PCDHGA3: variants seen among roughly 807,000 people sequenced by gnomAD.
PCDHGA3 encodes the protein protocadherin gamma-A3.
In PCDHGA3, 40 loss-of-function variants were observed where a neutral mutation model predicts 58.5. The ratio of observed to expected loss-of-function variants is 0.68; its 90% confidence interval spans 0.53 to 0.89. The LOEUF (loss-of-function observed/expected upper bound fraction) is 0.89, where lower values mean the gene tolerates loss of function less well. PCDHGA3 is among the 40% of genes least tolerant of loss of function. PCDHGA3 has a pLI of 0.00. For synonymous variants in PCDHGA3, 530 were observed against 525.7 expected, an observed-to-expected ratio of 1.01 and a Z score of -0.11; for missense variants, 1,223 against 1,195.9, an observed-to-expected ratio of 1.02 and a Z score of -0.33.
chr5:141,428,037 C>G lies in PCDHGA3; in HGVS notation c.2425-66770C>G, dbSNP rs762273592. 3.7e-6 allele frequency: 6 copies of G among 1,608,340 alleles called. No homozygotes were observed. In the African/African-American group the frequency reaches 8.0e-5, roughly 21 times the overall value. ...GCCACGCGCCGCAGAGTCCGGCTACCTGGTGACCAAGGTGGTGGCGGTGGA... is the reference window on the plus strand; with the variant it reads ...GCCACGCGCCGCAGAGTCCGGCTACGTGGTGACCAAGGTGGTGGCGGTGGA... On this transcript the variant is annotated intron_variant, in intron 1 of 3. Coordinates refer to ENST00000253812, the MANE Select transcript of PCDHGA3 (RefSeq NM_018916.4).
In PCDHGA3 at chr5:141,476,868, C is replaced by G. The variant is rs1213404395; in HGVS notation, c.2425-17939C>G. On this transcript the variant is annotated intron_variant, in intron 1 of 3. Transcript: ENST00000253812. This position sits in a 1 kb window ranked among gnomAD's most constrained non-coding sequence, Gnocchi z 7.6. Reference sequence around the variant, plus strand: ...GTCTTCAACCAGTCCTTGTACCGGGCGCGCGTCCTGGAGGATGCACCCTCC... The same window carrying G: ...GTCTTCAACCAGTCCTTGTACCGGGGGCGCGTCCTGGAGGATGCACCCTCC... 2.5e-6 allele frequency: 4 copies of G among 1,613,874 alleles called. No homozygotes were observed. Among genetic ancestry groups the G allele is most frequent in the Non-Finnish European group, 3.4e-6 (4 of 1,180,050 alleles).
chr5:141,375,955 C>A, intron 1 of PCDHGA3: 2 of 1,613,498 alleles, frequency 1.2e-6, no homozygotes, highest in Non-Finnish European at 1.7e-6. Flanking sequence ...TGCACACGGG[C>A]GAGGTGCGCA....
At chr5:141,423,387 G>T (rs373190092) in intron 1 of PCDHGA3, 1 of 1,614,162 alleles carries the variant, frequency 6.2e-7, no homozygotes, top group Non-Finnish European at 8.5e-7. Context: ...TGTGGCGCTG[G>T]CATAAGTCAC....
At chr5:141,445,312 T>C (rs1419229431) in intron 1 of PCDHGA3, among the ~76,000 whole-genome samples, 2 of 152,194 alleles carry the variant, frequency 1.3e-5, no homozygotes, top group African/African-American at 4.8e-5. Context: ...AGTTTGTAGG[T>C]TGAGAGAACC....
At chr5:141,506,669 A>C (rs1293213848) in intron 3 of PCDHGA3, among the ~76,000 whole-genome samples, 1 of 152,198 alleles carries the variant, frequency 6.6e-6, no homozygotes, top group African/African-American at 2.4e-5. Flanking sequence ...GTAAGGGCAC[A>C]ATATATTATT....
At chr5:141,395,072 T>C in intron 1 of PCDHGA3, 1 of 1,614,148 alleles carries the variant, frequency 6.2e-7, no homozygotes, top group Non-Finnish European at 8.5e-7. Context: ...TGCAGACCTA[T>C]TCCCAGGAAG....
chr5:141,403,612 G>C (rs1314297922), intron 1 of PCDHGA3: 9 of 1,613,736 alleles, frequency 5.6e-6, no homozygotes, highest in African/African-American at 1.3e-5. Flanking sequence ...GCGGCGAGCC[G>C]CGTCGCTCCA....
At chr5:141,423,619 T>C (rs1389600826) in intron 1 of PCDHGA3, 1 of 1,608,090 alleles carries the variant, frequency 6.2e-7, no homozygotes. Context: ...AGCTGAAGAC[T>C]CAGCTATCAT....
intron 1 of PCDHGA3, chr5:141,412,359 A>G (rs2095550851): frequency 6.6e-6 from 1 of 152,226 alleles, no homozygotes; most frequent in Non-Finnish European, 1.5e-5. Flanking sequence ...GTTTGTGATT[A>G]CCTGCTTAAT....
At chr5:141,352,627 T>C (rs1759062502) in intron 1 of PCDHGA3, 1 of 1,612,018 alleles carries the variant, frequency 6.2e-7, no homozygotes, top group African/African-American at 1.3e-5. Context: ...GTGCCAGTAA[T>C]GAAGATCACA....
In PCDHGA3 at chr5:141,394,672, G is replaced by A. The variant is rs1407775660; in HGVS notation, c.2424+48215G>A. 4 of 1,612,088 alleles carry A rather than the reference G, an allele frequency of 2.5e-6. No individual in the cohort carries two copies. In the African/African-American group the frequency reaches 5.4e-5, roughly 22 times the overall value. On this transcript the variant is annotated intron_variant, in intron 1 of 3. Transcript: ENST00000253812. Reference sequence around the variant, plus strand: ...AGCGAGCCGGGACTCTTCTCGGTGGGTCTGCACACGGGCGAGGTGCGCACG... The same window carrying A: ...AGCGAGCCGGGACTCTTCTCGGTGGATCTGCACACGGGCGAGGTGCGCACG...
intron 1 of PCDHGA3, chr5:141,402,878 G>A: frequency 1.4e-6 from 2 of 1,471,050 alleles, no homozygotes; most frequent in Non-Finnish European, 1.8e-6. Context: ...ACCATACTTT[G>A]CAGGGTGGAA....
At chr5:141,390,553 A>G in intron 1 of PCDHGA3, 3 of 476,468 alleles carry the variant, frequency 6.3e-6, no homozygotes, top group Non-Finnish European at 1.1e-5. Context: ...TGAAAGTGTT[A>G]GACAGTTGTT....
In PCDHGA3 at chr5:141,489,928, G is replaced by A. The variant is rs752861962; in HGVS notation, c.2425-4879G>A. ...CCGCTCAGGGACCACCCTTATCTCT[G>A]TCATCGTGCTGGACATCAATGATAA... On this transcript the variant is annotated intron_variant, in intron 1 of 3. Transcript: ENST00000253812. The surrounding 1 kb of genome is among the most constrained non-coding windows in gnomAD (Gnocchi z 4.5). 2 of 1,614,206 alleles carry A rather than the reference G, an allele frequency of 1.2e-6. No homozygotes were observed. Among genetic ancestry groups the A allele is most frequent in the Non-Finnish European group, 1.7e-6 (2 of 1,180,038 alleles).
intron 1 of PCDHGA3, chr5:141,422,864 AC>A (rs2096680510): frequency 1.9e-6 from 3 of 1,614,190 alleles, no homozygotes; most frequent in Non-Finnish European, 2.5e-6. Flanking sequence ...CTCAGCAGCA[AC>A]GTGTCGCTGA....
At position 141,362,106 on chromosome 5, in the gene PCDHGA3, G is replaced by T. The variant is rs73265834; in HGVS notation, c.2424+15649G>T. On this transcript the variant is annotated intron_variant, in intron 1 of 3. Transcript: ENST00000253812. Reference sequence around the variant, plus strand: ...GAGGACAGCCGCCACTCTCCGCTACGGCCACGCTGCACCTAATCTTCGCGG... The same window carrying T: ...GAGGACAGCCGCCACTCTCCGCTACTGCCACGCTGCACCTAATCTTCGCGG... 1.3e-4 allele frequency: 207 copies of T among 1,612,660 alleles called. 2 individuals are homozygous for T. In the South Asian group the frequency reaches 2.2e-3, roughly 17 times the overall value.
intron 1 of PCDHGA3, among the ~76,000 whole-genome samples, chr5:141,469,103 C>G (rs949254605): frequency 6.6e-6 from 1 of 151,844 alleles, no homozygotes; most frequent in Non-Finnish European, 1.5e-5. Flanking sequence ...AAAGCAAGAA[C>G]CTGTCTCTAA....
In PCDHGA3 at chr5:141,384,637, C is replaced by T. The variant is rs764454496; in HGVS notation, c.2424+38180C>T. On this transcript the variant is annotated intron_variant, in intron 1 of 3. Transcript: ENST00000253812. ...TTCTACTGGCATGGAGCTGGCACCC[C>T]GCTCCGCAGAGCCCGGCTACCTGGT... is the stretch of plus-strand genomic sequence containing the variant. The T allele has an allele frequency of 1.7e-5, 28 of 1,614,114 alleles. No individual in the cohort carries two copies. The highest frequency in any genetic ancestry group is 1.6e-4 in the Middle Eastern group (1 of 6,082).
At position 141,344,751 on chromosome 5, in the gene PCDHGA3, C is replaced by G; in HGVS notation, c.718C>G (p.Pro240Ala). Residue 240 changes from proline to alanine, a missense_variant, in exon 1 of 4, where the codon CCA (proline) becomes GCA (alanine). Around this residue, in one of 3 missense-constraint regions of PCDHGA3, gnomAD observed 791 missense variants for 708.5 expected, o/e 1.12. Transcript: ENST00000253812. ...AGTCCTGGATGCAAATGACAACCCACCAATGTTTACTCAGCCTGAGTACCG... is the reference window on the plus strand; with the variant it reads ...AGTCCTGGATGCAAATGACAACCCAGCAATGTTTACTCAGCCTGAGTACCG... Reference protein sequence around the residue: ...VIVLDANDNPPMFTQPEYRVS... With the variant: ...VIVLDANDNPAMFTQPEYRVS... 6.2e-7 allele frequency: 1 copy of G among 1,614,020 alleles called. No individual in the cohort carries two copies. The highest frequency in any genetic ancestry group is 1.1e-5 in the South Asian group (1 of 91,074).
Sources: allele counts gnomAD v4.1 joint callset (sites outside exome capture counted in the v4.1 genomes callset), GRCh38; gene constraint gnomAD v4.1.1; regional missense constraint gnomAD v4.1.1; non-coding constraint Gnocchi (gnomAD v3.1); transcripts MANE v1.5; gene names NCBI Gene and HGNC (gene_info 2026-07-23, HGNC 2026-07-21).